BLTP2: variants seen among roughly 807,000 people sequenced by gnomAD.
BLTP2 encodes the protein U937-associated antigen.
At chr17:28,616,454 C>G in the BLTP2 span, 1 of 1,614,084 alleles carries the variant, frequency 6.2e-7, no homozygotes, top group African/African-American at 1.3e-5. The surrounding 1 kb of genome is among the most constrained non-coding windows in gnomAD (Gnocchi z 4.8). Context: ...TCCCAGGGCC[C>G]AGTGGTACTG....
At chr17:28,634,920 T>C in the BLTP2 span, 5 of 1,613,424 alleles carry the variant, frequency 3.1e-6, no homozygotes. Flanking sequence ...TATCATGAAG[T>C]TTCACCTCAA....
the BLTP2 span, chr17:28,633,054 G>T: frequency 6.3e-7 from 1 of 1,592,010 alleles, no homozygotes; most frequent in Admixed American, 1.8e-5. Flanking sequence ...GGAACTCTGG[G>T]GCCCGCAGAG....
At chr17:28,625,303 T>A in the BLTP2 span, among the ~76,000 whole-genome samples, 2 of 112,600 alleles carry the variant, frequency 1.8e-5, no homozygotes, top group Admixed American at 1.4e-4. Context: ...ACCACTGCAC[T>A]CCAGCCTGGT....
the BLTP2 span, among the ~76,000 whole-genome samples, chr17:28,625,227 T>G: frequency 6.7e-6 from 1 of 148,220 alleles, no homozygotes; most frequent in African/African-American, 2.5e-5. Context: ...TCCCAGCTAC[T>G]TGGGAGGCTG....
At chr17:28,643,249 T>G in the BLTP2 span, 1 of 1,614,134 alleles carries the variant, frequency 6.2e-7, no homozygotes, top group Non-Finnish European at 8.5e-7. Context: ...GGCAGACAGG[T>G]CAGAAACTTT....
At chr17:28,616,929 C>G in the BLTP2 span, 1 of 1,614,114 alleles carries the variant, frequency 6.2e-7, no homozygotes. This position sits in a 1 kb window ranked among gnomAD's most constrained non-coding sequence, Gnocchi z 4.8. Context: ...AACAGGGGGC[C>G]GAACTTTGCT....
At chr17:28,631,226 C>T in the BLTP2 span, among the ~76,000 whole-genome samples, 2 of 152,194 alleles carry the variant, frequency 1.3e-5, no homozygotes, top group Admixed American at 6.5e-5. Context: ...CACTCGTGCA[C>T]ACTTGTGCTC....
the BLTP2 span, chr17:28,633,206 ACTTCCC>A: frequency 6.3e-7 from 1 of 1,597,706 alleles, no homozygotes; most frequent in Non-Finnish European, 8.6e-7. Context: ...CTGGTCACTC[ACTTCCC>A]CTTGGCTCTT....
At chr17:28,634,568 G>A in the BLTP2 span, 6 of 1,613,992 alleles carry the variant, frequency 3.7e-6, no homozygotes, top group South Asian at 5.5e-5. Flanking sequence ...TGAATGACAA[G>A]ATCTAATCCC....
the BLTP2 span, chr17:28,615,199 G>C: frequency 1.2e-6 from 2 of 1,613,830 alleles, no homozygotes; most frequent in Non-Finnish European, 1.7e-6. Flanking sequence ...GCTTTCCCCG[G>C]ACCTCAGAGC....
At chr17:28,620,268 G>A in the BLTP2 span, among the ~76,000 whole-genome samples, 1 of 152,212 alleles carries the variant, frequency 6.6e-6, no homozygotes, top group African/African-American at 2.4e-5. Flanking sequence ...GTGTCTAGGT[G>A]ACTGAGTAGA....
the BLTP2 span, chr17:28,633,699 C>G: frequency 6.2e-7 from 1 of 1,614,038 alleles, no homozygotes; most frequent in Non-Finnish European, 8.5e-7. Flanking sequence ...CAATTAGTGT[C>G]CAGGCTGGAT....
chr17:28,631,328 C>T, the BLTP2 span: 3 of 698,646 alleles, frequency 4.3e-6, no homozygotes, highest in African/African-American at 1.8e-5. Flanking sequence ...ATGCGGGCAC[C>T]GTGATCTTGG....
the BLTP2 span, among the ~76,000 whole-genome samples, chr17:28,626,158 TCCCA>T: frequency 1.3e-5 from 2 of 152,130 alleles, no homozygotes; most frequent in African/African-American, 4.8e-5. Context: ...TACACACTAC[TCCCA>T]GATCTGTCTT....
the BLTP2 span, among the ~76,000 whole-genome samples, chr17:28,621,814 C>G: frequency 1.3e-5 from 2 of 152,172 alleles, no homozygotes; most frequent in East Asian, 1.9e-4. Context: ...AAAAAAATGA[C>G]TTTCTCACAC....
chr17:28,618,947 C>T, the BLTP2 span: 1 of 1,613,980 alleles, frequency 6.2e-7, no homozygotes, highest in African/African-American at 1.3e-5. Flanking sequence ...TGTTAGCCCG[C>T]TGCAGTTGGA....
chr17:28,628,246 C>T, the BLTP2 span: 1 of 1,610,580 alleles, frequency 6.2e-7, no homozygotes, highest in African/African-American at 1.3e-5. Flanking sequence ...CCCAAAAAGT[C>T]TCATCTCCCC....
the BLTP2 span, chr17:28,634,725 A>G: frequency 2.8e-3 from 4,466 of 1,614,172 alleles, 100 homozygotes; most frequent in African/African-American, 0.052. Flanking sequence ...GTGTGTTGCC[A>G]TAGAGACGAC....
At chr17:28,643,693 G>C in the BLTP2 span, 2 of 1,605,568 alleles carry the variant, frequency 1.2e-6, no homozygotes, top group Admixed American at 1.7e-5. Context: ...CTGTGTGCTA[G>C]CTGCTAAATA....
Sources: gnomAD v4.1 joint callset for allele counts (sites outside exome capture counted in the v4.1 genomes callset) on GRCh38, gnomAD v4.1.1 for gene constraint, Gnocchi (gnomAD v3.1) non-coding constraint, MANE v1.5 for transcripts, NCBI Gene and HGNC (gene_info 2026-07-23, HGNC 2026-07-21) for gene names.